The following MAGI2 variants were observed in gnomAD, a reference collection of about 807,000 sequenced individuals.
The protein encoded by MAGI2 is membrane associated guanylate kinase, WW and PDZ domain containing 2.
MAGI2 carries 35 observed loss-of-function variants against 133.3 expected under a neutral mutation model. The ratio of observed to expected loss-of-function variants is 0.26; its 90% CI spans 0.20 to 0.35. The LOEUF is 0.35. Ranked by LOEUF, MAGI2 falls within the 10% of genes least tolerant of loss-of-function variation. The pLI is 1.00. For synonymous variants in MAGI2, 729 were observed against 710.6 expected (o/e 1.03, Z -0.41); for missense variants, 1,636 against 1,863.4 (o/e 0.88, Z 2.25).
chr7:79,019,271 G>A (rs963372128), intron 1 of MAGI2, among the ~76,000 whole-genome samples: 7 of 152,144 alleles, frequency 4.6e-5, no homozygotes, highest in Non-Finnish European at 1.0e-4. Flanking sequence ...CGTGTCAAGG[G>A]CAGGACTGGG....
intron 1 of MAGI2, among the ~76,000 whole-genome samples, chr7:79,184,442 A>C (rs1292770044): frequency 6.6e-6 from 1 of 151,496 alleles, no homozygotes; most frequent in Non-Finnish European, 1.5e-5. Flanking sequence ...AACAATAAAA[A>C]TAAAATAACA....
At chr7:79,197,493 A>G (rs545698102) in intron 1 of MAGI2, among the ~76,000 whole-genome samples, 7 of 152,046 alleles carry the variant, frequency 4.6e-5, no homozygotes, top group African/African-American at 2.4e-5. Context: ...CTGCTCAGCA[A>G]TGCAAGTTCT....
chr7:79,110,303 G>A (rs938614548), intron 1 of MAGI2, among the ~76,000 whole-genome samples: 1 of 152,148 alleles, frequency 6.6e-6, no homozygotes, highest in Non-Finnish European at 1.5e-5. Flanking sequence ...GTGAGAAGAG[G>A]GTGGTGGGGC....
chr7:79,241,271 T>C (rs1318989920), intron 1 of MAGI2, among the ~76,000 whole-genome samples: 1 of 152,200 alleles, frequency 6.6e-6, no homozygotes, highest in African/African-American at 2.4e-5. Context: ...ACAGAATCAT[T>C]CTTTTCTAGT....
At chr7:78,657,131 A>G (rs1293396218) in intron 2 of MAGI2, among the ~76,000 whole-genome samples, 1 of 152,212 alleles carries the variant, frequency 6.6e-6, no homozygotes, top group Non-Finnish European at 1.5e-5. Flanking sequence ...ACAATGAGAT[A>G]CTACTACATG....
At chr7:78,709,736 C>T (rs149472897) in intron 2 of MAGI2, among the ~76,000 whole-genome samples, 2 of 152,334 alleles carry the variant, frequency 1.3e-5, no homozygotes, top group East Asian at 3.9e-4. Flanking sequence ...CCTCATTTCT[C>T]ATCTTCAGCT....
chr7:79,176,393 A>G lies in MAGI2; in HGVS notation c.302-169187T>C, dbSNP rs139183214. ...TCCTGTTGAATTAGGCCTGCACTGC[A>G]GTTTCACCTTTCCCTCTGCACAGTA... On this transcript the variant is annotated intron_variant, in intron 1 of 21. Transcript: ENST00000354212. 2.7e-3 allele frequency among the ~76,000 whole-genome samples: 410 copies of G among 152,080 alleles called. 5 individuals are homozygous for G. The highest frequency in any genetic ancestry group is 9.5e-3 in the African/African-American group (394 of 41,410).
At chr7:78,191,839 C>G (rs907398446) in intron 12 of MAGI2, among the ~76,000 whole-genome samples, 3 of 152,092 alleles carry the variant, frequency 2.0e-5, no homozygotes, top group Non-Finnish European at 4.4e-5. Context: ...AGGAATACGT[C>G]TTTATTAAGA....
chr7:78,477,142 T>G (rs1791851912), intron 6 of MAGI2, among the ~76,000 whole-genome samples: 1 of 151,908 alleles, frequency 6.6e-6, no homozygotes, highest in Admixed American at 6.6e-5. Context: ...GATCAGTGCT[T>G]CACCTTTCTA....
intron 1 of MAGI2, among the ~76,000 whole-genome samples, chr7:79,445,727 A>G (rs2129202053): frequency 6.6e-6 from 1 of 152,314 alleles, no homozygotes; most frequent in Admixed American, 6.5e-5. Context: ...GGGACTGTAA[A>G]CTAGTTCAAC....
At chr7:79,241,470 G>C (rs1282177555) in intron 1 of MAGI2, among the ~76,000 whole-genome samples, 1 of 152,100 alleles carries the variant, frequency 6.6e-6, no homozygotes, top group African/African-American at 2.4e-5. Flanking sequence ...TTAGTTTGTA[G>C]TTTAACTTTA....
At chr7:78,442,239 T>G (rs1787702795) in intron 6 of MAGI2, among the ~76,000 whole-genome samples, 2 of 152,192 alleles carry the variant, frequency 1.3e-5, no homozygotes, top group Admixed American at 1.3e-4. Context: ...TTCTTTGTGT[T>G]AGAGTTATTG....
intron 2 of MAGI2, among the ~76,000 whole-genome samples, chr7:78,902,329 G>A (rs1797671756): frequency 1.3e-5 from 2 of 152,056 alleles, no homozygotes; most frequent in South Asian, 4.1e-4. Flanking sequence ...TTTTTCCAAT[G>A]CACTTCCTAT....
At chr7:79,275,739 T>C (rs754181262) in intron 1 of MAGI2, among the ~76,000 whole-genome samples, 5 of 152,138 alleles carry the variant, frequency 3.3e-5, no homozygotes, top group Non-Finnish European at 7.3e-5. Context: ...AGCTGGTGTC[T>C]TTAAGTTGAA....
At chr7:79,388,633 T>G (rs1482960536) in intron 1 of MAGI2, among the ~76,000 whole-genome samples, 3 of 151,722 alleles carry the variant, frequency 2.0e-5, no homozygotes, top group Non-Finnish European at 4.4e-5. Flanking sequence ...TGCCTCACCC[T>G]TTGACAATAA....
intron 1 of MAGI2, among the ~76,000 whole-genome samples, chr7:79,365,387 G>T (rs1301054479): frequency 3.6e-5 from 5 of 138,940 alleles, no homozygotes; most frequent in Non-Finnish European, 6.1e-5. Flanking sequence ...TATTCCAGAA[G>T]AATAATAATT....
intron 13 of MAGI2, among the ~76,000 whole-genome samples, chr7:78,179,160 A>G (rs572139755): frequency 6.6e-6 from 1 of 152,354 alleles, no homozygotes; most frequent in Admixed American, 6.5e-5. Context: ...TGCTTAAGAA[A>G]TGTTTAGTGG....
chr7:79,186,186 G>A (rs1189476884), intron 1 of MAGI2, among the ~76,000 whole-genome samples: 2 of 108,124 alleles, frequency 1.8e-5, no homozygotes, highest in African/African-American at 4.0e-5. Context: ...CTATTTGCCT[G>A]GGAAAATATA....
intron 1 of MAGI2, among the ~76,000 whole-genome samples, chr7:79,349,462 T>TTAATAA (rs150162426): frequency 0.025 from 3,790 of 151,442 alleles, 167 homozygotes; most frequent in African/African-American, 0.086. Context: ...ATTCTTTTAG[T>TTAATAA]TAATAATAAT....
Sources: gnomAD v4.1 joint callset for allele counts (sites outside exome capture counted in the v4.1 genomes callset) on GRCh38, gnomAD v4.1.1 for gene constraint, MANE v1.5 for transcripts, NCBI Gene and HGNC (gene_info 2026-07-23, HGNC 2026-07-21) for gene names.